The following MAP3K1 variants were observed in gnomAD, a reference collection of about 807,000 sequenced individuals.
The protein encoded by MAP3K1 is MAP/ERK kinase kinase 1.
A neutral mutation model predicts 144.2 loss-of-function variants in MAP3K1; 36 were observed. The ratio of observed to expected loss-of-function variants is 0.25; its 90% confidence interval spans 0.19 to 0.33. The LOEUF (loss-of-function observed/expected upper bound fraction) is 0.33. MAP3K1 is among the 10% of genes least tolerant of loss of function. The pLI is 1.00. For synonymous variants in MAP3K1, 718 were observed against 688.7 expected (o/e 1.04, Z -0.67); for missense variants, 1,650 against 1,881.9 (o/e 0.88, Z 2.28).
intron 10 of MAP3K1, among the ~76,000 whole-genome samples, chr5:56,877,562 C>T (rs1748079082): frequency 6.8e-6 from 1 of 147,720 alleles, no homozygotes; most frequent in Admixed American, 6.8e-5. Flanking sequence ...GAGTTTTTTG[C>T]AGCATCATGA....
chr5:56,882,670 C>T lies in MAP3K1; in HGVS notation c.3470C>T (p.Ser1157Phe). The T allele has an allele frequency of 6.2e-7, 1 of 1,614,072 alleles. No individual in the cohort carries two copies. ...VTFKSEVAVLSPEKAENDDTY... is the reference protein window; with the variant it reads ...VTFKSEVAVLFPEKAENDDTY... ...TTTAAGTCAGAAGTTGCTGTCCTGT[C>T]TCCTGAAAAGGCTGAAAATGATGAT... The change falls in exon 14 of 20, where the codon TCT (serine) becomes TTT (phenylalanine). Residue 1157 changes from serine (S) to phenylalanine (F), a missense_variant. Ser to Phe is a radical substitution (Grantham distance 155). Coordinates refer to ENST00000399503, the MANE Select transcript of MAP3K1 (RefSeq NM_005921.2).
chr5:56,867,479 A>G (rs1415778856), intron 6 of MAP3K1, among the ~76,000 whole-genome samples: 1 of 152,210 alleles, frequency 6.6e-6, no homozygotes, highest in East Asian at 1.9e-4. Flanking sequence ...TTCAATTGAA[A>G]ATGAAGGGCA....
chr5:56,864,960 TTATTAG>T (rs773055984), intron 4 of MAP3K1, 26 bp downstream of exon 4: 2 of 1,600,844 alleles, frequency 1.2e-6, no homozygotes, highest in Non-Finnish European at 1.7e-6. Flanking sequence ...ATTTTATACT[TTATTAG>T]TAGTAGTATA....
In MAP3K1 at chr5:56,815,592, A is replaced by G. The variant is rs2111724917; in HGVS notation, c.19A>G (p.Asn7Asp). Residue 7 changes from asparagine to aspartate, a missense_variant, in exon 1 of 20, where the codon AAT (asparagine) becomes GAT (aspartate). Asn to Asp is a conservative substitution (Grantham distance 23). Around this residue, in one of 6 missense-constraint regions of MAP3K1, gnomAD observed 360 missense variants for 274.7 expected, o/e 1.31. Transcript: ENST00000399503. The stretch of plus-strand genomic sequence containing the variant: ...AGAGAAAATGGCGGCGGCGGCGGGG[A>G]ATCGCGCCTCGTCGTCGGGATTCCC... The part of the protein sequence containing the change: MAAAAG[N>D]RASSSGFPGA... The G allele has an allele frequency of 2.3e-6, 3 of 1,294,364 alleles. No homozygotes were observed. The highest frequency in any genetic ancestry group is 2.9e-6 in the Non-Finnish European group (3 of 1,024,028). 80.2% of individuals were successfully genotyped at this position (1,294,364 alleles called of 1,614,324 possible).
At chr5:56,846,023 A>T (rs865893054) in intron 1 of MAP3K1, among the ~76,000 whole-genome samples, 7 of 152,326 alleles carry the variant, frequency 4.6e-5, no homozygotes, top group Middle Eastern at 3.4e-3. Flanking sequence ...TGAGTGATAT[A>T]AGTGTTTTAA....
chr5:56,893,693 A>C lies in MAP3K1; in HGVS notation c.*13A>C. ...TACTACATGGTAGCCAATTATGCAG[A>C]TCAACTACAGTAGAAACAGGATGCT... On this transcript the variant is annotated 3_prime_UTR_variant, in exon 20 of 20. Transcript: ENST00000399503. The C allele has an allele frequency of 6.2e-7, 1 of 1,613,586 alleles. No homozygotes were observed. Among genetic ancestry groups the C allele is most frequent in the Non-Finnish European group, 8.5e-7 (1 of 1,179,680 alleles).
intron 15 of MAP3K1, among the ~76,000 whole-genome samples, chr5:56,884,006 G>A (rs1275387370): frequency 3.9e-5 from 6 of 151,966 alleles, no homozygotes; most frequent in African/African-American, 9.7e-5. Flanking sequence ...AAAATCGGCC[G>A]GGCAGGGTGG....
chr5:56,860,194 AC>A (rs1455405404), intron 3 of MAP3K1, among the ~76,000 whole-genome samples: 48 of 152,218 alleles, frequency 3.2e-4, no homozygotes, highest in African/African-American at 1.1e-3. Flanking sequence ...TAAGGCTACA[AC>A]TGTAGAAACT....
chr5:56,827,349 A>G (rs1746350734), intron 1 of MAP3K1, among the ~76,000 whole-genome samples: 2 of 152,222 alleles, frequency 1.3e-5, no homozygotes, highest in Admixed American at 6.5e-5. Context: ...GAAGTGGGTC[A>G]GGAGGCCCCA....
At chr5:56,838,733 T>G (rs77371588) in intron 1 of MAP3K1, among the ~76,000 whole-genome samples, 6,714 of 152,292 alleles carry the variant, frequency 0.044, 157 homozygotes, top group East Asian at 0.064. Context: ...TGGGCAGTGA[T>G]CCCGTCTTCC....
intron 3 of MAP3K1, among the ~76,000 whole-genome samples, chr5:56,861,589 A>AG (rs1479095828): frequency 0.19 from 8,974 of 47,742 alleles, 363 homozygotes; most frequent in Non-Finnish European, 0.2. Context: ...AAAAAAAAAA[A>AG]AGGGGCTATT....
intron 1 of MAP3K1, among the ~76,000 whole-genome samples, chr5:56,838,895 TTTTTG>T (rs57264225): frequency 1.6e-4 from 24 of 152,226 alleles, no homozygotes; most frequent in South Asian, 1.2e-3. Flanking sequence ...CCCAGAAGGT[TTTTTG>T]TTTTGTTTTG....
chr5:56,832,025 A>G (rs1267265677), intron 1 of MAP3K1, among the ~76,000 whole-genome samples: 2 of 152,200 alleles, frequency 1.3e-5, no homozygotes, highest in Non-Finnish European at 2.9e-5. Context: ...GCACTGGCTC[A>G]GGCTTGTGAG....
rs1702498477 is a variant in MAP3K1, at chr5:56,895,046, G to C, written c.*1366G>C. On this transcript the variant is annotated 3_prime_UTR_variant, in exon 20 of 20. Coordinates refer to ENST00000399503, the MANE Select transcript of MAP3K1 (RefSeq NM_005921.2). ...TATTAAGTACAACTTTGAGATTTTA[G>C]TTTTAACTCTTCAGAAGCCAGTGTG... 4.3e-6 allele frequency: 1 copy of C among 231,352 alleles called. No individual in the cohort carries two copies. 14.3% of individuals were successfully genotyped at this position (231,352 alleles called of 1,614,324 possible).
chr5:56,867,856 C>G (rs1455333013), intron 6 of MAP3K1, among the ~76,000 whole-genome samples: 1 of 152,058 alleles, frequency 6.6e-6, no homozygotes, highest in Non-Finnish European at 1.5e-5. Flanking sequence ...TTTAAATATC[C>G]AACAGCAATT....
At position 56,882,157 on chromosome 5, in the gene MAP3K1, C is replaced by T. The variant is rs2111944210; in HGVS notation, c.2957C>T (p.Pro986Leu). The change falls in exon 14 of 20, where the codon CCT becomes CTT. Residue 986 changes from proline (P) to leucine (L), a missense_variant. Pro to Leu is a moderately conservative substitution (Grantham distance 98). Transcript: ENST00000399503. Reference sequence around the variant, plus strand: ...TTAATGTTTCCAGCCTTGTCAACCCCTTCTTCTTCTACCCCATCTGTACCA... The same window carrying T: ...TTAATGTTTCCAGCCTTGTCAACCCTTTCTTCTTCTACCCCATCTGTACCA... The part of the protein sequence containing the change: ...SQLMFPALST[P>L]SSSTPSVPAG... The T allele has an allele frequency of 6.2e-7, 1 of 1,614,032 alleles. No homozygotes were observed. The highest frequency in any genetic ancestry group is 8.5e-7 in the Non-Finnish European group (1 of 1,179,940).
chr5:56,890,666 A>G (rs1257787988), intron 19 of MAP3K1, among the ~76,000 whole-genome samples: 4 of 152,158 alleles, frequency 2.6e-5, no homozygotes, highest in Non-Finnish European at 5.9e-5. Context: ...TATCCACACT[A>G]TACAGAAATT....
chr5:56,886,140 A>T (rs1748372250), intron 17 of MAP3K1, 77 bp downstream of exon 17: 2 of 1,185,088 alleles, frequency 1.7e-6, no homozygotes. Context: ...ACAGTGGCTC[A>T]CACCTGTAAT....
chr5:56,884,146 C>CA (rs199695872), intron 15 of MAP3K1, among the ~76,000 whole-genome samples: 4,311 of 150,006 alleles, frequency 0.029, 85 homozygotes, highest in Non-Finnish European at 0.046. Context: ...AAGACTGTCT[C>CA]AAAAAAAAAT....
Sources: allele counts gnomAD v4.1 joint callset (sites outside exome capture counted in the v4.1 genomes callset), GRCh38; gene constraint gnomAD v4.1.1; regional missense constraint gnomAD v4.1.1; transcripts MANE v1.5; gene names NCBI Gene and HGNC (gene_info 2026-07-23, HGNC 2026-07-21).